Variants in STAT2 observed in about 807,000 individuals in gnomAD.
The protein encoded by STAT2 is interferon alpha induced transcriptional activator.
A neutral mutation model predicts 122.3 loss-of-function variants in STAT2; 51 were observed. That is an observed-to-expected ratio of 0.42 (90% CI 0.33 to 0.53). The LOEUF (loss-of-function observed/expected upper bound fraction) is 0.53. Among genes scored for constraint, STAT2 ranks in the 20% least tolerant of loss-of-function variants. The pLI, the probability that STAT2 is intolerant of heterozygous loss-of-function variation, is 0.10. For synonymous variants in STAT2, 351 were observed against 394.9 expected, an observed-to-expected ratio of 0.89 and a Z score of 1.32; for missense variants, 736 against 1,010.3, an observed-to-expected ratio of 0.73 and a Z score of 3.68.
At position 56,343,256 on chromosome 12, in the gene STAT2, C is replaced by G. The variant is rs1876835404; in HGVS notation, c.*133G>C. On this transcript the variant is annotated 3_prime_UTR_variant, in exon 24 of 24. Coordinates refer to ENST00000314128, the MANE Select transcript of STAT2 (RefSeq NM_005419.4). ...TTCACCTCTCACCCCAATGGAGTCA[C>G]ACAGGCCTGAGTTTGAACAGTTAAC... is the stretch of plus-strand genomic sequence containing the variant. 7.7e-7 allele frequency: 1 copy of G among 1,297,946 alleles called. No individual in the cohort carries two copies. Among genetic ancestry groups the G allele is most frequent in the Non-Finnish European group, 1.1e-6 (1 of 948,566 alleles). The allele number at this position is 1,297,946 out of a possible 1,614,324, so 80.4% of individuals were successfully genotyped here.
In STAT2 at chr12:56,342,722, G is replaced by A. The variant is rs1196701190; in HGVS notation, c.*667C>T. 1 of 152,254 alleles carries A rather than the reference G, an allele frequency of 6.6e-6. No individual in the cohort carries two copies. Among genetic ancestry groups the A allele is most frequent in the Non-Finnish European group, 1.5e-5 (1 of 68,088 alleles). 9.4% of individuals were successfully genotyped at this position (152,254 alleles called of 1,614,324 possible). A position where few individuals can be genotyped will look rare whatever the true frequency, so the allele number is the denominator to read the frequency against. ...CTTCACACTCACATTAGATTGGCAG[G>A]ATCATTTTATGGGGGAGGAACAGGT... On this transcript the variant is annotated 3_prime_UTR_variant, in exon 24 of 24. Coordinates refer to ENST00000314128, the MANE Select transcript of STAT2 (RefSeq NM_005419.4).
At position 56,355,731 on chromosome 12, in the gene STAT2, T is replaced by C. The variant is rs1391968116; in HGVS notation, c.358A>G (p.Ile120Val). 1.2e-6 allele frequency: 2 copies of C among 1,614,104 alleles called. No homozygotes were observed. Among genetic ancestry groups the C allele is most frequent in the Admixed American group, 1.7e-5 (1 of 60,004 alleles). Residue 120 changes from isoleucine (I) to valine (V), a missense_variant, in exon 4 of 24, where the codon ATC (isoleucine) becomes GTC (valine). Ile to Val is a conservative substitution (Grantham distance 29). Coordinates refer to ENST00000314128, the MANE Select transcript of STAT2 (RefSeq NM_005419.4). ...NLLLEEKRIL[I>V]QAQRAQLEQG... ...ACCAATTGGGCCCTCTGAGCCTGGA[T>C]CAAAATTCTTTTTTCTTCCAGAAGG...
At chr12:56,352,371 T>TGTTG (rs1878649097) in intron 8 of STAT2, 2 of 28,510 alleles carry the variant, frequency 7.0e-5, no homozygotes, top group African/African-American at 1.7e-4. Context: ...TTTTTTTTTT[T>TGTTG]GGTGGGGGTG....
At chr12:56,349,136 C>G (rs1188895764) in intron 16 of STAT2, 27 bp downstream of exon 16, 1 of 1,614,020 alleles carries the variant, frequency 6.2e-7, no homozygotes, top group Non-Finnish European at 8.5e-7. Context: ...CCTCTCGCGC[C>G]TTGACCTGTC....
At chr12:56,346,716 G>C (rs929999060) in intron 20 of STAT2, 92 bp from the exon 21 acceptor site, 5 of 1,602,010 alleles carry the variant, frequency 3.1e-6, no homozygotes, top group Non-Finnish European at 4.3e-6. Flanking sequence ...AACCAGCTGA[G>C]GGATTCAGTT....
Position 56,353,301 on chromosome 12 carries a change from A to AT in STAT2, c.782+1164dup, listed in dbSNP as rs113821505. Reference sequence around the variant, plus strand: ...CCGGACATGCCTAATTAAAAAACAAATTTTTTTTTTTTGTAGAGATGGGGT... The same window carrying AT: ...CCGGACATGCCTAATTAAAAAACAAATTTTTTTTTTTTTGTAGAGATGGGGT... On this transcript the variant is annotated intron_variant, in intron 8 of 23. Coordinates refer to ENST00000314128, the MANE Select transcript of STAT2 (RefSeq NM_005419.4). 7.9e-3 allele frequency among the ~76,000 whole-genome samples: 1,159 copies of AT among 146,854 alleles called. 11 individuals are homozygous for AT. The highest frequency in any genetic ancestry group is 0.026 in the African/African-American group (1,065 of 40,240).
chr12:56,343,584 A>C, intron 23 of STAT2, 53 bp from the exon 24 acceptor site: 2 of 1,588,254 alleles, frequency 1.3e-6, no homozygotes, highest in South Asian at 1.1e-5. Flanking sequence ...GGAGTTCCCA[A>C]CCCAGCAGGG....
At position 56,354,489 on chromosome 12, in the gene STAT2, G is replaced by A. The variant is rs147605088; in HGVS notation, c.759C>T (p.His253=). ...QKACIRAPID[H]GLEQLETWFT... is the part of the protein sequence containing the mutation. ...ACCATGTCTCCAGCTGTTCCAACCC[G>A]TGGTCAATGGGAGCTCTGATGCAGG... The change falls in exon 8 of 24, where the codon CAC becomes CAT. Residue 253 remains histidine (H), a synonymous_variant. Coordinates refer to ENST00000314128, the MANE Select transcript of STAT2 (RefSeq NM_005419.4). The A allele has an allele frequency of 2.2e-3, 3,623 of 1,614,188 alleles. 10 individuals carry two copies. The highest frequency in any genetic ancestry group is 3.9e-3 in the Admixed American group (235 of 60,022).
At chr12:56,344,232 G>A in intron 22 of STAT2, 97 bp from the exon 23 acceptor site, 1 of 1,449,108 alleles carries the variant, frequency 6.9e-7, no homozygotes, top group Non-Finnish European at 9.1e-7. Context: ...AAGGCAGTAG[G>A]GCGGAGGGCT....
Position 56,342,128 on chromosome 12 carries a change from C to G in STAT2, c.*1261G>C, listed in dbSNP as rs1052215077. 2 of 151,860 alleles carry G rather than the reference C, an allele frequency of 1.3e-5. No individual in the cohort carries two copies. The highest frequency in any genetic ancestry group is 2.4e-5 in the African/African-American group (1 of 41,300). 9.4% of individuals were successfully genotyped at this position (151,860 alleles called of 1,614,324 possible). A position where few individuals can be genotyped will look rare whatever the true frequency, so the allele number is the denominator to read the frequency against. On this transcript the variant is annotated 3_prime_UTR_variant, in exon 24 of 24. Transcript: ENST00000314128. ...CCTGACCAACATGGAGAAACCCCGT[C>G]TCTACTAAAAATACAAAATTAGCTG... is the stretch of plus-strand genomic sequence containing the variant.
chr12:56,345,971 T>C (rs1877386577), intron 22 of STAT2, among the ~76,000 whole-genome samples, 175 bp downstream of exon 22: 1 of 151,524 alleles, frequency 6.6e-6, no homozygotes, highest in African/African-American at 2.4e-5. Context: ...CTGGGGAGAC[T>C]GGAATAGGGC....
In STAT2 at chr12:56,351,333, G is replaced by T; in HGVS notation, c.900C>A (p.Arg300=). 1 of 1,614,192 alleles carries T rather than the reference G, an allele frequency of 6.2e-7. No individual in the cohort carries two copies. The highest frequency in any genetic ancestry group is 8.5e-7 in the Non-Finnish European group (1 of 1,180,048). The change falls in exon 9 of 24, where the codon CGC becomes CGA. Residue 300 remains arginine, a synonymous_variant. Coordinates refer to ENST00000314128, the MANE Select transcript of STAT2 (RefSeq NM_005419.4). ...GTAGCAACTCTGTGACCTGGGCGTTGCGTAGGTCCACCCCTTTGGTCAGAG... is the reference window on the plus strand; with the variant it reads ...GTAGCAACTCTGTGACCTGGGCGTTTCGTAGGTCCACCCCTTTGGTCAGAG... ...DDPLTKGVDL[R]NAQVTELLQR...
chr12:56,346,266 C>T lies in STAT2; in HGVS notation c.2045-63G>A, dbSNP rs568383472. On this transcript the variant is annotated intron_variant, in intron 21 of 23. Coordinates refer to ENST00000314128, the MANE Select transcript of STAT2 (RefSeq NM_005419.4). ...GGGCCAGACATATAGCCTGAGGTTC[C>T]CCTAGTGCAGATGGTCCTGGCAGTC... is the stretch of plus-strand genomic sequence containing the variant. 9.4e-6 allele frequency: 15 copies of T among 1,600,910 alleles called. No individual in the cohort carries two copies. In the East Asian group the frequency reaches 3.4e-4, roughly 36 times the overall value.
At chr12:56,352,386 T>TG (rs1878662926) in intron 8 of STAT2, 4 of 39,784 alleles carry the variant, frequency 1.0e-4, no homozygotes, top group Non-Finnish European at 1.4e-4. Flanking sequence ...GGGGTGGGGG[T>TG]GGGGGTGGTT....
chr12:56,344,863 G>C (rs1164283471), intron 22 of STAT2, among the ~76,000 whole-genome samples: 1 of 152,158 alleles, frequency 6.6e-6, no homozygotes, highest in African/African-American at 2.4e-5. Context: ...AAATTAGCCA[G>C]GTGTGGTGGT....
chr12:56,348,573 A>G lies in STAT2; in HGVS notation c.1680T>C (p.Ile560=), dbSNP rs777649174. ...TCAGGTGGTCATGTACCAACTCCAG[A>G]ATTTTGTCCAGCCATGTCCAGAATG... is the stretch of plus-strand genomic sequence containing the variant. ...KLPFWTWLDK[I]LELVHDHLKD... Residue 560 remains isoleucine, a synonymous_variant, in exon 19 of 24, where the codon ATT becomes ATC. Coordinates refer to ENST00000314128, the MANE Select transcript of STAT2 (RefSeq NM_005419.4). 6.2e-7 allele frequency: 1 copy of G among 1,614,040 alleles called. No homozygotes were observed. The highest frequency in any genetic ancestry group is 8.5e-7 in the Non-Finnish European group (1 of 1,180,010).
chr12:56,350,148 C>T lies in STAT2; in HGVS notation c.1158G>A (p.Leu386=). The T allele has an allele frequency of 6.2e-7, 1 of 1,612,722 alleles. No homozygotes were observed. Among genetic ancestry groups the T allele is most frequent in the Non-Finnish European group, 8.5e-7 (1 of 1,179,740 alleles). ...CCTGACTCTGCCCCTTCTCGGGGGT[C>T]AAAGTTTTCTGGTTTGAAGTCAGAA... ...FNILTSNQKT[L]TPEKGQSQGL... Residue 386 remains leucine, a synonymous_variant, in exon 13 of 24, where the codon TTG becomes TTA. Transcript: ENST00000314128.
rs1876753939 is a variant in STAT2, at chr12:56,342,636, G to A, written c.*753C>T. 2 of 152,120 alleles carry A rather than the reference G, an allele frequency of 1.3e-5. No homozygotes were observed. The highest frequency in any genetic ancestry group is 2.4e-5 in the African/African-American group (1 of 41,326). 9.4% of individuals were successfully genotyped at this position (152,120 alleles called of 1,614,324 possible). A position where few individuals can be genotyped will look rare whatever the true frequency, so the allele number is the denominator to read the frequency against. On this transcript the variant is annotated 3_prime_UTR_variant, in exon 24 of 24. Coordinates refer to ENST00000314128, the MANE Select transcript of STAT2 (RefSeq NM_005419.4). ...ATCCTACCATCCCCAGCCTCCAGGA[G>A]TGATCTGTCTCCTAAGCATTGAGAA...
intron 2 of STAT2, 72 bp downstream of exon 2, chr12:56,356,369 G>C: frequency 9.3e-6 from 15 of 1,605,894 alleles, no homozygotes; most frequent in Non-Finnish European, 1.3e-5. Context: ...TGCCATTAAT[G>C]ATTCCAGGAT....
Sources: gnomAD v4.1 joint callset for allele counts (sites outside exome capture counted in the v4.1 genomes callset) on GRCh38, gnomAD v4.1.1 for gene constraint, MANE v1.5 for transcripts, NCBI Gene and HGNC (gene_info 2026-07-23, HGNC 2026-07-21) for gene names.